The following PLPPR2 variants were observed in gnomAD, a reference collection of about 807,000 sequenced individuals.
The protein encoded by PLPPR2 is phospholipid phosphatase related 2.
A neutral mutation model predicts 40.3 loss-of-function variants in PLPPR2; 11 were observed. That is an observed-to-expected ratio of 0.27 (90% CI 0.17 to 0.45). PLPPR2 has a LOEUF of 0.45. Ranked by LOEUF, PLPPR2 falls within the 20% of genes least tolerant of loss-of-function variation. The pLI is 1.00. For synonymous variants in PLPPR2, 260 were observed against 290.8 expected (o/e 0.89, Z 1.08); for missense variants, 497 against 640.7 (o/e 0.78, Z 2.42).
Position 11,363,128 on chromosome 19 carries a change from T to C in PLPPR2, c.840+439T>C, listed in dbSNP as rs1368064192. 6.6e-6 allele frequency among the ~76,000 whole-genome samples: 1 copy of C among 152,054 alleles called. No individual in the cohort carries two copies. The highest frequency in any genetic ancestry group is 1.9e-4 in the East Asian group (1 of 5,186). ...GGTCAACATGGCCAAACCCTGTCCC[T>C]GCTAAAAATACAAAAATTAGCCAGG... is the stretch of plus-strand genomic sequence containing the variant. On this transcript the variant is annotated intron_variant, in intron 7 of 9. Coordinates refer to ENST00000688289, the MANE Select transcript of PLPPR2 (RefSeq NM_001393892.1). This position sits in a 1 kb window ranked among gnomAD's most constrained non-coding sequence, Gnocchi z 4.8.
rs753776685 is a variant in PLPPR2 at position 11,357,713 on chromosome 19, A to G, written c.40A>G (p.Ile14Val). Residue 14 changes from isoleucine to valine, a missense_variant, in exon 3 of 10, where the codon ATC becomes GTC. Ile to Val is a conservative substitution (Grantham distance 29). Transcript: ENST00000688289. ...ACCGCATCTGAAGAGGAGTTTCTCC[A>G]TCATCCCCTGCTTTGTCTTCGTGGA... ...GRPHLKRSFS[I>V]IPCFVFVESV... is the part of the protein sequence containing the mutation. The G allele has an allele frequency of 1.2e-6, 2 of 1,606,774 alleles. No homozygotes were observed. The highest frequency in any genetic ancestry group is 1.7e-5 in the Admixed American group (1 of 59,216).
Position 11,361,086 on chromosome 19 carries a change from T to A in PLPPR2, c.392-131T>A. ...CATGGTGGTCTTAAAGGAAGGGGGA[T>A]GTTGGCACAACTACAGGGTCCCAAG... is the stretch of plus-strand genomic sequence containing the variant. On this transcript the variant is annotated intron_variant, in intron 5 of 9. Transcript: ENST00000688289. The surrounding 1 kb of genome is among the most constrained non-coding windows in gnomAD (Gnocchi z 6.3). The A allele has an allele frequency of 8.4e-7, 1 of 1,188,558 alleles. No individual in the cohort carries two copies. Among genetic ancestry groups the A allele is most frequent in the Non-Finnish European group, 1.1e-6 (1 of 869,680 alleles). The allele number at this position is 1,188,558 out of a possible 1,614,324, so 73.6% of individuals were successfully genotyped here. A position where few individuals can be genotyped will look rare whatever the true frequency, so the allele number is the denominator to read the frequency against.
intron 5 of PLPPR2, 62 bp downstream of exon 5, chr19:11,360,018 A>C (rs1968001411): frequency 1.3e-6 from 2 of 1,519,894 alleles, no homozygotes; most frequent in African/African-American, 1.4e-5. Context: ...ATAGAAGAAA[A>C]GAGTCATGGG....
chr19:11,355,494 T>A lies in PLPPR2; in HGVS notation c.-268T>A, dbSNP rs1421380039. 6.6e-6 allele frequency: 1 copy of A among 152,152 alleles called. No homozygotes were observed. Among genetic ancestry groups the A allele is most frequent in the Non-Finnish European group, 1.5e-5 (1 of 67,990 alleles). 9.4% of individuals were successfully genotyped at this position (152,152 alleles called of 1,614,324 possible). Reference sequence around the variant, plus strand: ...CGGTCTTCGCGTCTGCCAGCCTGGCTGGCAGTCCGTCTGTCCATCCCGCCG... The same window carrying A: ...CGGTCTTCGCGTCTGCCAGCCTGGCAGGCAGTCCGTCTGTCCATCCCGCCG... On this transcript the variant is annotated 5_prime_UTR_variant, in exon 1 of 10. Transcript: ENST00000688289.
chr19:11,363,680 A>C lies in PLPPR2; in HGVS notation c.841-33A>C, dbSNP rs781615900. On this transcript the variant is annotated intron_variant, in intron 7 of 9. Transcript: ENST00000688289. This position sits in a 1 kb window ranked among gnomAD's most constrained non-coding sequence, Gnocchi z 4.8. The stretch of plus-strand genomic sequence containing the variant: ...ACATGGCTCCTATGTGACTTGCCCC[A>C]GGCCTCAACACTCTCCTCTCCCTCT... 2 of 1,585,816 alleles carry C rather than the reference A, an allele frequency of 1.3e-6. No individual in the cohort carries two copies. The highest frequency in any genetic ancestry group is 2.2e-5 in the South Asian group (2 of 89,382).
chr19:11,362,617 G>A lies in PLPPR2; in HGVS notation c.768G>A (p.Val256=). Residue 256 remains valine (V), a synonymous_variant, in exon 7 of 10, where the codon GTG becomes GTA. Coordinates refer to ENST00000688289, the MANE Select transcript of PLPPR2 (RefSeq NM_001393892.1). The surrounding 1 kb of genome is among the most constrained non-coding windows in gnomAD (Gnocchi z 5.3). ...CCTTCCTGGTGGGCGTGGTCCGCGT[G>A]GCCGAGTACCGAAACCACTGGTCGG... The part of the protein sequence containing the change: ...CPAFLVGVVR[V]AEYRNHWSDV... 6.2e-7 allele frequency: 1 copy of A among 1,613,800 alleles called. No individual in the cohort carries two copies. The highest frequency in any genetic ancestry group is 8.5e-7 in the Non-Finnish European group (1 of 1,180,006).
chr19:11,362,335 C>T lies in PLPPR2; in HGVS notation c.664-178C>T. The T allele has an allele frequency of 2.2e-6, 1 of 462,110 alleles. No homozygotes were observed. The highest frequency in any genetic ancestry group is 2.1e-5 in the South Asian group (1 of 46,704). The allele number at this position is 462,110 out of a possible 1,614,324, so 28.6% of individuals were successfully genotyped here. ...CAATCCCTGACCCCCCCCCCTTTGC[C>T]TTTTTGGTCACGCTCCCTGGAAAAG... On this transcript the variant is annotated intron_variant, in intron 6 of 9. Transcript: ENST00000688289. This position sits in a 1 kb window ranked among gnomAD's most constrained non-coding sequence, Gnocchi z 5.3.
Position 11,361,786 on chromosome 19 carries a change from G to A in PLPPR2, c.663+298G>A, listed in dbSNP as rs1968053433. ...ACCCTATGGCATCAGGACAGTCCCT[G>A]ATGTGCAAGACTCGGAACCCCTATA... On this transcript the variant is annotated intron_variant, in intron 6 of 9. Coordinates refer to ENST00000688289, the MANE Select transcript of PLPPR2 (RefSeq NM_001393892.1). This position sits in a 1 kb window ranked among gnomAD's most constrained non-coding sequence, Gnocchi z 6.3. Among the ~76,000 whole-genome samples, 1 of 152,066 alleles carries A rather than the reference G, an allele frequency of 6.6e-6. No homozygotes were observed. Among genetic ancestry groups the A allele is most frequent in the Non-Finnish European group, 1.5e-5 (1 of 67,990 alleles).
chr19:11,361,551 GGAAGC>G lies in PLPPR2; in HGVS notation c.663+64_663+68del. ...CAGGCTGGACAGCGACCAGCAGCTA[GGAAGC>G]CGCCAGGGTTGGAGCCTCTGCTCTT... On this transcript the variant is annotated intron_variant, in intron 6 of 9. Coordinates refer to ENST00000688289, the MANE Select transcript of PLPPR2 (RefSeq NM_001393892.1). This position sits in a 1 kb window ranked among gnomAD's most constrained non-coding sequence, Gnocchi z 6.3. 1 of 1,538,710 alleles carries G rather than the reference GGAAGC, an allele frequency of 6.5e-7. No homozygotes were observed. Among genetic ancestry groups the G allele is most frequent in the South Asian group, 1.2e-5 (1 of 81,476 alleles).
intron 3 of PLPPR2, 92 bp downstream of exon 3, chr19:11,357,831 C>T (rs1967931786): frequency 3.0e-6 from 3 of 1,013,118 alleles, no homozygotes; most frequent in Non-Finnish European, 4.3e-6. Context: ...TTTTCCATCT[C>T]TGGGATCTCC....
Position 11,364,218 on chromosome 19 carries a change from T to A in PLPPR2, c.1015+6T>A. The stretch of plus-strand genomic sequence containing the variant: ...GGCACGGCTCACCCCATCCAGTGAG[T>A]GTTGGGGGAGTGGGGGGCTAAACAG... On this transcript the variant is annotated splice_donor_region_variant and intron_variant, in intron 9 of 9. Coordinates refer to ENST00000688289, the MANE Select transcript of PLPPR2 (RefSeq NM_001393892.1). This position sits in a 1 kb window ranked among gnomAD's most constrained non-coding sequence, Gnocchi z 5.8. The A allele has an allele frequency of 6.2e-7, 1 of 1,608,868 alleles. No individual in the cohort carries two copies. The highest frequency in any genetic ancestry group is 8.5e-7 in the Non-Finnish European group (1 of 1,176,768).
rs1345177973 is a variant in PLPPR2, at chr19:11,362,741, G to C, written c.840+52G>C. On this transcript the variant is annotated intron_variant, in intron 7 of 9. Coordinates refer to ENST00000688289, the MANE Select transcript of PLPPR2 (RefSeq NM_001393892.1). The surrounding 1 kb of genome is among the most constrained non-coding windows in gnomAD (Gnocchi z 5.3). The stretch of plus-strand genomic sequence containing the variant: ...CATGGAAGACCCTCACCAGCTCTCT[G>C]ACCCAAGAGGCAGGACCACATGATG... The C allele has an allele frequency of 6.4e-7, 1 of 1,568,290 alleles. No homozygotes were observed. Among genetic ancestry groups the C allele is most frequent in the South Asian group, 1.2e-5 (1 of 83,816 alleles).
Position 11,363,622 on chromosome 19 carries a change from A to G in PLPPR2, c.841-91A>G. On this transcript the variant is annotated intron_variant, in intron 7 of 9. Transcript: ENST00000688289. The surrounding 1 kb of genome is among the most constrained non-coding windows in gnomAD (Gnocchi z 4.8). ...AGCTGTTTTTGAAAACCGGAGCCTC[A>G]CTTTCCTTATCTGAAAAATGGGGAT... 6.9e-7 allele frequency: 1 copy of G among 1,439,760 alleles called. No individual in the cohort carries two copies. The highest frequency in any genetic ancestry group is 9.2e-7 in the Non-Finnish European group (1 of 1,082,292). 89.2% of individuals were successfully genotyped at this position (1,439,760 alleles called of 1,614,324 possible). A position where few individuals can be genotyped will look rare whatever the true frequency, so the allele number is the denominator to read the frequency against.
In PLPPR2 at chr19:11,364,885, G is replaced by T. The variant is rs929682528; in HGVS notation, c.*195G>T. ...TGAGATATCCCGATGGGCACAAATG[G>T]AAGGTGCGCACTTGCCCCTACTATT... On this transcript the variant is annotated 3_prime_UTR_variant, in exon 10 of 10. Transcript: ENST00000688289. The surrounding 1 kb of genome is among the most constrained non-coding windows in gnomAD (Gnocchi z 5.8). The T allele has an allele frequency of 7.5e-6, 5 of 671,098 alleles. No homozygotes were observed. In the African/African-American group the frequency reaches 9.1e-5, roughly 12 times the overall value. 41.6% of individuals were successfully genotyped at this position (671,098 alleles called of 1,614,324 possible). A position where few individuals can be genotyped will look rare whatever the true frequency, so the allele number is the denominator to read the frequency against.
Position 11,363,786 on chromosome 19 carries a change from G to A in PLPPR2, c.914G>A (p.Gly305Asp). ...AGGCTCTCTCCCTGGGAGGACCTGGGCCAAGCCCCCACCATGGATAGCCCC... is the reference window on the plus strand; with the variant it reads ...AGGCTCTCTCCCTGGGAGGACCTGGACCAAGCCCCCACCATGGATAGCCCC... ...GRRLSPWEDL[G>D]QAPTMDSPLE... The change falls in exon 8 of 10, where the codon GGC (glycine) becomes GAC (aspartate). Residue 305 changes from glycine to aspartate, a missense_variant. Physicochemically the swap from Gly to Asp is moderately conservative, Grantham distance 94. Coordinates refer to ENST00000688289, the MANE Select transcript of PLPPR2 (RefSeq NM_001393892.1). This position sits in a 1 kb window ranked among gnomAD's most constrained non-coding sequence, Gnocchi z 4.8. 1.2e-6 allele frequency: 2 copies of A among 1,614,208 alleles called. No individual in the cohort carries two copies. The highest frequency in any genetic ancestry group is 8.5e-7 in the Non-Finnish European group (1 of 1,180,022).
Position 11,365,287 on chromosome 19 carries a change from CT to C in PLPPR2, c.*601del. On this transcript the variant is annotated 3_prime_UTR_variant, in exon 10 of 10. Transcript: ENST00000688289. ...CCATGGCAGGGTCCTTGGGGTACCC[CT>C]TTTCCTCTCAGCCCCTCCCTGTGTG... The C allele has an allele frequency of 6.4e-6, 1 of 156,366 alleles. No individual in the cohort carries two copies. Among genetic ancestry groups the C allele is most frequent in the Non-Finnish European group, 1.4e-5 (1 of 70,456 alleles). 9.7% of individuals were successfully genotyped at this position (156,366 alleles called of 1,614,324 possible). A position where few individuals can be genotyped will look rare whatever the true frequency, so the allele number is the denominator to read the frequency against.
In PLPPR2 at chr19:11,359,706, G is replaced by C. The variant is rs1967990351; in HGVS notation, c.241G>C (p.Gly81Arg). ...TCTTGTCTACGCACTGGTCACTGCC[G>C]GGCCCACCCTCACGGTGAGACAATG... is the stretch of plus-strand genomic sequence containing the variant. Reference protein sequence around the residue: ...PALVYALVTAGPTLTILLGEL... With the variant: ...PALVYALVTARPTLTILLGEL... The change falls in exon 4 of 10, where the codon GGG becomes CGG. Residue 81 changes from glycine (G) to arginine (R), a missense_variant. Physicochemically the swap from Gly to Arg is moderately radical, Grantham distance 125. Transcript: ENST00000688289. This position sits in a 1 kb window ranked among gnomAD's most constrained non-coding sequence, Gnocchi z 5.6. 1 of 1,595,152 alleles carries C rather than the reference G, an allele frequency of 6.3e-7. No individual in the cohort carries two copies.
chr19:11,363,831 C>T lies in PLPPR2; in HGVS notation c.959C>T (p.Ala320Val), dbSNP rs374338591. ...MDSPLEKLSV[A>V]QEPEVCRPHS... ...AGCCCCCTCGAAAAGTTAAGTGTGGCGCAGGTAAGGGGGGCCGGGGGCTGC... is the reference window on the plus strand; with the variant it reads ...AGCCCCCTCGAAAAGTTAAGTGTGGTGCAGGTAAGGGGGGCCGGGGGCTGC... The change falls in exon 8 of 10, where the codon GCG becomes GTG. Residue 320 changes from alanine (A) to valine (V), a missense_variant. Physicochemically the swap from Ala to Val is moderately conservative, Grantham distance 64 (BLOSUM62 0). Transcript: ENST00000688289. This position sits in a 1 kb window ranked among gnomAD's most constrained non-coding sequence, Gnocchi z 4.8. 1.1e-5 allele frequency: 18 copies of T among 1,613,366 alleles called. No homozygotes were observed. Among genetic ancestry groups the T allele is most frequent in the African/African-American group, 2.7e-5 (2 of 74,886 alleles).
rs1353219080 is a variant in PLPPR2, at chr19:11,364,117, G to T, written c.964-44G>T. The stretch of plus-strand genomic sequence containing the variant: ...GCTCCTTGTGGCTGTGGCCGGTAGG[G>T]CCCAGGGGGCCACTAGCCCCTTCCG... On this transcript the variant is annotated intron_variant, in intron 8 of 9. Transcript: ENST00000688289. This position sits in a 1 kb window ranked among gnomAD's most constrained non-coding sequence, Gnocchi z 5.8. 1.3e-6 allele frequency: 2 copies of T among 1,583,618 alleles called. No homozygotes were observed. The highest frequency in any genetic ancestry group is 1.4e-5 in the African/African-American group (1 of 73,972).
Sources: gnomAD v4.1 joint callset for allele counts (sites outside exome capture counted in the v4.1 genomes callset) on GRCh38, gnomAD v4.1.1 for gene constraint, Gnocchi (gnomAD v3.1) non-coding constraint, MANE v1.5 for transcripts, NCBI Gene and HGNC (gene_info 2026-07-23, HGNC 2026-07-21) for gene names.